Variants in CFAP92 observed in about 807,000 individuals in gnomAD.
CFAP92 encodes uncharacterized protein CFAP92.
CFAP92 carries 86 observed loss-of-function variants against 106.3 expected under a neutral mutation model. The observed-to-expected ratio is 0.81, with a 90% CI of 0.68 to 0.97. The LOEUF is 0.97. Among genes scored for constraint, CFAP92 ranks in the 50% least tolerant of loss-of-function variants. The pLI is 0.00. For missense variants in CFAP92, 1,204 were observed against 1,283.8 expected (o/e 0.94, Z 0.95); for synonymous variants, 477 against 506.4 (o/e 0.94, Z 0.78).
intron 12 of CFAP92, among the ~76,000 whole-genome samples, chr3:128,918,857 G>A (rs1250562166): frequency 6.6e-6 from 1 of 151,674 alleles, no homozygotes; most frequent in Non-Finnish European, 1.5e-5. Flanking sequence ...GGAACGGAGG[G>A]TTTAAAAGTA....
intron 10 of CFAP92, among the ~76,000 whole-genome samples, chr3:128,944,390 C>T (rs868601141): frequency 6.6e-6 from 1 of 152,168 alleles, no homozygotes; most frequent in Non-Finnish European, 1.5e-5. Context: ...AGGCAGGTCT[C>T]CCAGAGGTGC....
chr3:128,987,427 C>T (rs1943927430), intron 4 of CFAP92, among the ~76,000 whole-genome samples, 189 bp downstream of exon 4: 1 of 152,074 alleles, frequency 6.6e-6, no homozygotes, highest in Non-Finnish European at 1.5e-5. Context: ...CTGCCCACCA[C>T]ACCCTCACTC....
chr3:128,941,080 C>T (rs2056220885), intron 10 of CFAP92, among the ~76,000 whole-genome samples: 1 of 152,044 alleles, frequency 6.6e-6, no homozygotes, highest in African/African-American at 2.4e-5. Context: ...TTATGTCTTC[C>T]TTAATGTTTC....
chr3:128,991,832 C>T (rs1157917041), intron 2 of CFAP92: 3 of 988,252 alleles, frequency 3.0e-6, no homozygotes, highest in Non-Finnish European at 3.6e-6. Flanking sequence ...TAATGGTGGG[C>T]TAGTTCAAGT....
intron 10 of CFAP92, among the ~76,000 whole-genome samples, chr3:128,938,598 A>ATTCT (rs1939304208): frequency 6.7e-6 from 1 of 149,644 alleles, no homozygotes; most frequent in Non-Finnish European, 1.5e-5. Context: ...GGTTCATGCC[A>ATTCT]TTCTCCTGCC....
intron 2 of CFAP92, among the ~76,000 whole-genome samples, chr3:128,990,484 G>A (rs1944144992): frequency 6.6e-6 from 1 of 152,108 alleles, no homozygotes; most frequent in Non-Finnish European, 1.5e-5. Context: ...GTGACAGAGA[G>A]AGACTCTGTC....
intron 15 of CFAP92, chr3:128,910,631 C>T: frequency 8.3e-7 from 1 of 1,206,038 alleles, no homozygotes; most frequent in Non-Finnish European, 1.2e-6. Flanking sequence ...TGTGCCAGGC[C>T]TTGTGACCCC....
intron 8 of CFAP92, chr3:128,969,590 G>A (rs1942632443): frequency 6.6e-6 from 1 of 151,784 alleles, no homozygotes. Flanking sequence ...AAAAAAGAGA[G>A]AGGGGACCAT....
At position 128,975,119 on chromosome 3, in the gene CFAP92, C is replaced by CA. The variant is rs1358284899; in HGVS notation, c.1021+659dup. On this transcript the variant is annotated intron_variant, in intron 7 of 15. Transcript: ENST00000645291. ...TGGGTGACAGAGTGAGACTCCATCT[C>CA]AAAAAAAATAAAATAAAATAAAATA... is the stretch of plus-strand genomic sequence containing the variant. 2.0e-5 allele frequency among the ~76,000 whole-genome samples: 3 copies of CA among 150,600 alleles called. No individual in the cohort carries two copies. In the East Asian group the frequency reaches 5.8e-4, roughly 29 times the overall value.
rs535494413 is a variant in CFAP92, at chr3:128,952,527, T to C, written c.1354-6552A>G. Among the ~76,000 whole-genome samples, 14 of 152,318 alleles carry C rather than the reference T, an allele frequency of 9.2e-5. No homozygotes were observed. In the South Asian group the frequency reaches 1.5e-3, roughly 16 times the overall value. On this transcript the variant is annotated intron_variant, in intron 9 of 15. Transcript: ENST00000645291. ...TGAACAGACACCAACACTGAGATGA[T>C]ACAGATCTTGGAATTATCTGAAAAG...
chr3:128,935,069 TAAG>T (rs1474672062), intron 11 of CFAP92, 53 bp downstream of exon 11: 14 of 1,409,792 alleles, frequency 9.9e-6, no homozygotes, highest in African/African-American at 1.4e-5. Context: ...TGCAGAGTGT[TAAG>T]AAGTGCCCCT....
chr3:128,999,531 C>CTTTTTT (rs5852556), intron 1 of CFAP92, among the ~76,000 whole-genome samples: 75 of 71,580 alleles, frequency 1.0e-3, no homozygotes, highest in African/African-American at 1.6e-3. Context: ...AAATCAGGTT[C>CTTTTTT]TTTTTTTTTT....
chr3:129,013,031 G>A, the CFAP92 span, among the ~76,000 whole-genome samples: 1 of 152,326 alleles, frequency 6.6e-6, no homozygotes, highest in South Asian at 2.1e-4. Context: ...TGGAAGAAGA[G>A]GCCAGTTCCT....
chr3:128,944,132 G>T (rs1939966879), intron 10 of CFAP92, among the ~76,000 whole-genome samples: 1 of 151,540 alleles, frequency 6.6e-6, no homozygotes. Flanking sequence ...GTATCACTAT[G>T]TTGCCCAGGC....
intron 12 of CFAP92, among the ~76,000 whole-genome samples, chr3:128,929,314 G>A (rs1459456102): frequency 6.6e-6 from 1 of 152,026 alleles, no homozygotes; most frequent in Non-Finnish European, 1.5e-5. Context: ...TTGCTGGTAG[G>A]GATGTTAAGA....
At chr3:128,924,038 G>A (rs62265276) in intron 12 of CFAP92, among the ~76,000 whole-genome samples, 4,452 of 152,198 alleles carry the variant, frequency 0.029, 107 homozygotes, top group South Asian at 0.11. Context: ...CTGCAGATGC[G>A]GAAGCCACCT....
chr3:128,947,780 C>T (rs1012619828), intron 9 of CFAP92, among the ~76,000 whole-genome samples: 6 of 151,990 alleles, frequency 3.9e-5, no homozygotes, highest in Non-Finnish European at 5.9e-5. Flanking sequence ...GAGGTTTCAA[C>T]GAGCTACAAC....
chr3:129,021,270 GT>G, the CFAP92 span, among the ~76,000 whole-genome samples: 26 of 152,294 alleles, frequency 1.7e-4, no homozygotes, highest in East Asian at 4.4e-3. Flanking sequence ...TAAACACAGG[GT>G]TTTCCACAAG....
At chr3:128,920,991 A>G (rs1937229235) in intron 12 of CFAP92, among the ~76,000 whole-genome samples, 1 of 152,250 alleles carries the variant, frequency 6.6e-6, no homozygotes, top group Non-Finnish European at 1.5e-5. Context: ...CACTTGATAC[A>G]CTGCTTTCTT....
Sources: gnomAD v4.1 joint callset for allele counts (sites outside exome capture counted in the v4.1 genomes callset) on GRCh38, gnomAD v4.1.1 for gene constraint, MANE v1.5 for transcripts, NCBI Gene and HGNC (gene_info 2026-07-23, HGNC 2026-07-21) for gene names.